ZSWIM6: variants seen among roughly 807,000 people sequenced by gnomAD.
ZSWIM6 encodes the protein zinc finger SWIM-type containing 6, also known as zinc finger SWIM domain-containing protein 6.
Under a neutral mutation model 113.2 loss-of-function variants are expected in ZSWIM6, and 9 were observed. The observed-to-expected ratio is 0.08, with a 90% CI of 0.05 to 0.14. The LOEUF (loss-of-function observed/expected upper bound fraction) is 0.14. ZSWIM6 is among the 10% of genes least tolerant of loss of function. The probability of loss-of-function intolerance (pLI) is 1.00; values close to 1 mark genes in which losing one functional copy is unlikely to be tolerated. For synonymous variants in ZSWIM6, 611 were observed against 606.5 expected, an observed-to-expected ratio of 1.01 and a Z score of -0.11; for missense variants, 1,162 against 1,552.2, an observed-to-expected ratio of 0.75 and a Z score of 4.22.
chr5:61,484,099 C>T (rs894595625), intron 2 of ZSWIM6, among the ~76,000 whole-genome samples: 4 of 151,992 alleles, frequency 2.6e-5, no homozygotes, highest in Admixed American at 2.6e-4. Flanking sequence ...CCAGTTCAAG[C>T]AGGCCACAGA....
intron 1 of ZSWIM6, among the ~76,000 whole-genome samples, chr5:61,393,827 G>C (rs1245036799): frequency 6.6e-6 from 1 of 151,950 alleles, no homozygotes; most frequent in Non-Finnish European, 1.5e-5. Context: ...AGGGTTCTTG[G>C]GTCTGGTTTT....
Position 61,408,917 on chromosome 5 carries a change from G to T in ZSWIM6, c.677-63764G>T, listed in dbSNP as rs1746097052. ...CGCGAGGGGCGGGGTTGGGAGTCAG[G>T]ATGGGGCGAGGCCTGCGTGTGACTG... On this transcript the variant is annotated intron_variant, in intron 1 of 13. Coordinates refer to ENST00000252744, the MANE Select transcript of ZSWIM6 (RefSeq NM_020928.2). Among the ~76,000 whole-genome samples the T allele has an allele frequency of 2.0e-5, 3 of 152,156 alleles. 1 individual carries two copies. In the South Asian group the frequency reaches 6.2e-4, roughly 32 times the overall value.
chr5:61,455,027 C>T (rs992243241), intron 1 of ZSWIM6, among the ~76,000 whole-genome samples: 3 of 151,760 alleles, frequency 2.0e-5, no homozygotes, highest in Non-Finnish European at 2.9e-5. Context: ...TATTGAGAAA[C>T]CAAGATCTGG....
At chr5:61,385,759 G>A (rs1366295147) in intron 1 of ZSWIM6, among the ~76,000 whole-genome samples, 1 of 152,164 alleles carries the variant, frequency 6.6e-6, no homozygotes, top group Non-Finnish European at 1.5e-5. Context: ...GCTTCCCTCA[G>A]CCCCTGTGCC....
intron 1 of ZSWIM6, among the ~76,000 whole-genome samples, chr5:61,358,760 G>A (rs1346075431): frequency 6.6e-6 from 1 of 152,228 alleles, no homozygotes; most frequent in Non-Finnish European, 1.5e-5. Flanking sequence ...TGGAAGACCA[G>A]TGCTGTTGTT....
At position 61,539,614 on chromosome 5, in the gene ZSWIM6, A is replaced by C; in HGVS notation, c.2558A>C (p.Glu853Ala). The C allele has an allele frequency of 6.4e-7, 1 of 1,551,446 alleles. No individual in the cohort carries two copies. The highest frequency in any genetic ancestry group is 1.4e-5 in the African/African-American group (1 of 73,140). The change falls in exon 12 of 14, where the codon GAA becomes GCA. Residue 853 changes from glutamate to alanine, a missense_variant. By Grantham distance (107) the Glu-to-Ala change is moderately radical (BLOSUM62 -1). Coordinates refer to ENST00000252744, the MANE Select transcript of ZSWIM6 (RefSeq NM_020928.2). ...ATTGCAGGCGATGTTCGGAGGCTGG[A>C]AACAGTATTAGAATCCATCCAGAAA... ...TAAKGDVRRL[E>A]TVLESIQKNI...
At chr5:61,450,152 C>G (rs1747057085) in intron 1 of ZSWIM6, among the ~76,000 whole-genome samples, 1 of 152,192 alleles carries the variant, frequency 6.6e-6, no homozygotes, top group Admixed American at 6.5e-5. Flanking sequence ...TTTCAACATC[C>G]TCAGCCCGCT....
chr5:61,528,834 C>A (rs937748485), intron 7 of ZSWIM6, among the ~76,000 whole-genome samples: 2 of 152,158 alleles, frequency 1.3e-5, no homozygotes, highest in Admixed American at 1.3e-4. Context: ...GTGATCCACC[C>A]GCTTCAGCAT....
intron 1 of ZSWIM6, among the ~76,000 whole-genome samples, chr5:61,404,409 C>CG (rs1399251778): frequency 6.6e-6 from 1 of 152,154 alleles, no homozygotes; most frequent in African/African-American, 2.4e-5. Flanking sequence ...GGGCTGCCAT[C>CG]GCCCTCTTGA....
intron 4 of ZSWIM6, among the ~76,000 whole-genome samples, chr5:61,509,970 C>T (rs1748734838): frequency 6.6e-6 from 1 of 151,892 alleles, no homozygotes; most frequent in African/African-American, 2.4e-5. Context: ...CAATGGTTTG[C>T]AGGAGTGCAC....
At chr5:61,408,910 G>C (rs1746096860) in intron 1 of ZSWIM6, among the ~76,000 whole-genome samples, 1 of 152,292 alleles carries the variant, frequency 6.6e-6, no homozygotes, top group African/African-American at 2.4e-5. Context: ...GCGGGGTTGG[G>C]AGTCAGGATG....
In ZSWIM6 at chr5:61,543,510, C is replaced by T. The variant is rs371052703; in HGVS notation, c.2841C>T (p.Thr947=). 19 of 1,551,416 alleles carry T rather than the reference C, an allele frequency of 1.2e-5. No individual in the cohort carries two copies. The highest frequency in any genetic ancestry group is 5.9e-5 in the Admixed American group (3 of 50,986). Residue 947 remains threonine, a synonymous_variant, in exon 14 of 14, where the codon ACC becomes ACT. Coordinates refer to ENST00000252744, the MANE Select transcript of ZSWIM6 (RefSeq NM_020928.2). This position sits in a 1 kb window ranked among gnomAD's most constrained non-coding sequence, Gnocchi z 4.3. ...CCTGGTTTACACTCTTTACTCCCAC[C>T]GAGGCCACAAGTATAGTTGCAACTA... ...MQTWFTLFTP[T]EATSIVATTV...
chr5:61,486,721 T>G (rs2112207702), intron 2 of ZSWIM6, among the ~76,000 whole-genome samples: 1 of 152,316 alleles, frequency 6.6e-6, no homozygotes. Context: ...TTCATGTGCC[T>G]GTTGGCCATT....
chr5:61,522,430 C>T (rs1244998269), intron 5 of ZSWIM6, among the ~76,000 whole-genome samples: 1 of 152,162 alleles, frequency 6.6e-6, no homozygotes, highest in East Asian at 1.9e-4. Context: ...GTACTAGCCA[C>T]ATGCTGAATT....
At chr5:61,467,581 G>A (rs148599705) in intron 1 of ZSWIM6, among the ~76,000 whole-genome samples, 83 of 152,230 alleles carry the variant, frequency 5.5e-4, no homozygotes, top group Middle Eastern at 3.4e-3. Context: ...AAGAGACTTA[G>A]GGACCTCTTA....
At chr5:61,438,254 A>G (rs1013238857) in intron 1 of ZSWIM6, among the ~76,000 whole-genome samples, 4 of 152,230 alleles carry the variant, frequency 2.6e-5, no homozygotes, top group African/African-American at 9.6e-5. Context: ...GACATTTAAC[A>G]TAAGTGTACA....
chr5:61,516,318 G>A (rs1748938546), intron 4 of ZSWIM6, among the ~76,000 whole-genome samples: 2 of 148,784 alleles, frequency 1.3e-5, no homozygotes, highest in Admixed American at 6.7e-5. Context: ...TATCCTTTGT[G>A]TTTGTATCTC....
At chr5:61,356,730 T>A (rs1366647580) in intron 1 of ZSWIM6, among the ~76,000 whole-genome samples, 4 of 66,688 alleles carry the variant, frequency 6.0e-5, no homozygotes, top group Non-Finnish European at 1.2e-4. Context: ...ACATAATATA[T>A]AATATATATT....
intron 4 of ZSWIM6, among the ~76,000 whole-genome samples, chr5:61,509,243 A>G (rs917511222): frequency 1.3e-5 from 2 of 152,166 alleles, no homozygotes; most frequent in South Asian, 2.1e-4. Context: ...ATCATCTTCA[A>G]ACTCTTATGT....
Sources: gnomAD v4.1 joint callset for allele counts (sites outside exome capture counted in the v4.1 genomes callset) on GRCh38, gnomAD v4.1.1 for gene constraint, Gnocchi (gnomAD v3.1) non-coding constraint, MANE v1.5 for transcripts, NCBI Gene and HGNC (gene_info 2026-07-23, HGNC 2026-07-21) for gene names.